The following RIMS2 variants were observed in gnomAD, a reference collection of about 807,000 sequenced individuals.
The protein encoded by RIMS2 is regulating synaptic membrane exocytosis protein 2.
In RIMS2, 59 loss-of-function variants were observed where a neutral mutation model predicts 174.4. The observed-to-expected ratio is 0.34, with a 90% CI of 0.27 to 0.42. The LOEUF (loss-of-function observed/expected upper bound fraction) is 0.42. Among genes scored for constraint, RIMS2 ranks in the 10% least tolerant of loss-of-function variants. The pLI is 1.00. For synonymous variants in RIMS2, 606 were observed against 572.5 expected (o/e 1.06, Z -0.84); for missense variants, 1,620 against 1,666.3 (o/e 0.97, Z 0.48).
intron 3 of RIMS2, among the ~76,000 whole-genome samples, chr8:103,791,516 C>G (rs1244511325): frequency 6.6e-6 from 1 of 152,088 alleles, no homozygotes; most frequent in African/African-American, 2.4e-5. Context: ...CATCAACTAA[C>G]GAGCAAAATA....
At chr8:104,103,764 A>G (rs2097960773) in intron 19 of RIMS2, among the ~76,000 whole-genome samples, 1 of 152,146 alleles carries the variant, frequency 6.6e-6, no homozygotes, top group African/African-American at 2.4e-5. Context: ...TGAACTGGCT[A>G]CATATTGAAG....
chr8:103,754,578 G>T (rs1221281864), intron 2 of RIMS2, among the ~76,000 whole-genome samples: 5 of 152,086 alleles, frequency 3.3e-5, no homozygotes, highest in Non-Finnish European at 5.9e-5. Context: ...CTCTTTGTAG[G>T]TCTCTAAGGA....
chr8:103,648,581 C>T (rs976928348), intron 1 of RIMS2, among the ~76,000 whole-genome samples: 4 of 151,714 alleles, frequency 2.6e-5, no homozygotes, highest in East Asian at 1.9e-4. Flanking sequence ...AATTTTAAGT[C>T]GTTTTGTCTC....
At chr8:103,687,084 T>A (rs1008211050) in intron 1 of RIMS2, among the ~76,000 whole-genome samples, 1 of 152,164 alleles carries the variant, frequency 6.6e-6, no homozygotes, top group Non-Finnish European at 1.5e-5. Flanking sequence ...AACCAGAGTT[T>A]TAGATTTGAA....
At position 104,213,270 on chromosome 8, in the gene RIMS2, C is replaced by G. The variant is rs146355929; in HGVS notation, c.3335-31646C>G. Among the ~76,000 whole-genome samples the G allele has an allele frequency of 9.9e-3, 1,503 of 152,190 alleles. 21 individuals carry two copies. The highest frequency in any genetic ancestry group is 0.033 in the African/African-American group (1,353 of 41,512). On this transcript the variant is annotated intron_variant, in intron 19 of 23. Transcript: ENST00000504942. ...AGGTTGCAGTGAGCCGAGATCATGC[C>G]CCTGCACTCCAGCCTGTGCAACAGA... is the stretch of plus-strand genomic sequence containing the variant.
chr8:103,533,982 A>G (rs1218710275), intron 1 of RIMS2, among the ~76,000 whole-genome samples: 1 of 152,218 alleles, frequency 6.6e-6, no homozygotes, highest in African/African-American at 2.4e-5. Flanking sequence ...ATGGTCTAGC[A>G]GTCATAAAAT....
intron 1 of RIMS2, among the ~76,000 whole-genome samples, chr8:103,588,147 A>C (rs911379662): frequency 5.3e-5 from 8 of 151,944 alleles, no homozygotes; most frequent in African/African-American, 1.9e-4. Context: ...AATTCTATTT[A>C]CAAAAGTGAC....
intron 19 of RIMS2, among the ~76,000 whole-genome samples, chr8:104,224,328 T>G (rs2138748588): frequency 6.6e-6 from 1 of 152,330 alleles, no homozygotes; most frequent in Non-Finnish European, 1.5e-5. Flanking sequence ...CTCTGGTGTT[T>G]CAGCAATGCC....
At chr8:103,555,608 T>A (rs565063334) in intron 1 of RIMS2, among the ~76,000 whole-genome samples, 1 of 152,042 alleles carries the variant, frequency 6.6e-6, no homozygotes, top group Non-Finnish European at 1.5e-5. Context: ...AGATATGGAA[T>A]CAACCTAAGG....
intron 1 of RIMS2, among the ~76,000 whole-genome samples, chr8:103,534,057 G>A (rs1838680909): frequency 6.6e-6 from 1 of 152,158 alleles, no homozygotes; most frequent in Non-Finnish European, 1.5e-5. Context: ...ACTAAGCCCT[G>A]TTATTGAACA....
Position 104,223,665 on chromosome 8 carries a change from G to A in RIMS2, c.3335-21251G>A, listed in dbSNP as rs753473912. On this transcript the variant is annotated intron_variant, in intron 19 of 23. Coordinates refer to ENST00000504942, the Ensembl canonical transcript of RIMS2. ...TCCTCGTCCAAGATGGGCCGGCAGGGCTTGGGGGGTGCCAGCGCTGCGGGG... is the reference window on the plus strand; with the variant it reads ...TCCTCGTCCAAGATGGGCCGGCAGGACTTGGGGGGTGCCAGCGCTGCGGGG... 8 of 1,591,114 alleles carry A rather than the reference G, an allele frequency of 5.0e-6. No individual in the cohort carries two copies. The East Asian group carries it at 1.6e-4, about 31-fold the overall frequency.
intron 12 of RIMS2, among the ~76,000 whole-genome samples, chr8:103,934,639 C>T (rs1011319309): frequency 6.6e-5 from 10 of 151,604 alleles, no homozygotes; most frequent in Admixed American, 2.0e-4. Context: ...TTTTTCTGTC[C>T]TTACGAGGAA....
At chr8:103,744,624 G>A (rs1168680617) in intron 2 of RIMS2, among the ~76,000 whole-genome samples, 3 of 152,108 alleles carry the variant, frequency 2.0e-5, no homozygotes, top group Non-Finnish European at 2.9e-5. Context: ...CCTGCAAATG[G>A]TTCCTGAACA....
Position 103,790,953 on chromosome 8 carries a change from C to A in RIMS2, c.698+24416C>A, listed in dbSNP as rs185191545. ...ACCAAATCTACATCTGATTGGTGTA[C>A]CTGAAAGTGACGGGGAGAATGGAAC... On this transcript the variant is annotated intron_variant, in intron 3 of 23. Transcript: ENST00000504942. Among the ~76,000 whole-genome samples the A allele has an allele frequency of 1.7e-3, 254 of 152,228 alleles. 1 individual carries two copies. The highest frequency in any genetic ancestry group is 3.5e-3 in the South Asian group (17 of 4,810).
chr8:103,840,388 A>G (rs1322468232), intron 3 of RIMS2, among the ~76,000 whole-genome samples: 3 of 151,700 alleles, frequency 2.0e-5, no homozygotes, highest in Non-Finnish European at 4.4e-5. Context: ...TCATTGTTCT[A>G]TTTTTCCCAC....
intron 1 of RIMS2, among the ~76,000 whole-genome samples, chr8:103,504,820 T>C (rs1421238268): frequency 6.7e-6 from 1 of 150,268 alleles, no homozygotes. Flanking sequence ...AAATCTTTTT[T>C]TTTCTTTCTT....
intron 1 of RIMS2, among the ~76,000 whole-genome samples, chr8:103,673,599 C>A (rs2096772916): frequency 6.6e-6 from 1 of 152,198 alleles, no homozygotes; most frequent in South Asian, 2.1e-4. Flanking sequence ...GTAGCTAGAG[C>A]AGCCAGCATG....
chr8:104,052,690 G>C (rs778503262), intron 19 of RIMS2, among the ~76,000 whole-genome samples: 7 of 152,110 alleles, frequency 4.6e-5, no homozygotes, highest in African/African-American at 1.7e-4. Flanking sequence ...TTTGTTTGGG[G>C]CAAGCTGGGT....
intron 19 of RIMS2, among the ~76,000 whole-genome samples, chr8:104,236,502 C>A (rs181026028): frequency 1.9e-4 from 29 of 152,120 alleles, no homozygotes; most frequent in Admixed American, 1.5e-3. Context: ...TATGCTTTTA[C>A]ATTATGTCAT....
Sources: allele counts gnomAD v4.1 joint callset (sites outside exome capture counted in the v4.1 genomes callset), GRCh38; gene constraint gnomAD v4.1.1; transcripts MANE v1.5; gene names NCBI Gene and HGNC (gene_info 2026-07-23, HGNC 2026-07-21).